The following FAM222B variants were observed in gnomAD, a reference collection of about 807,000 sequenced individuals.
FAM222B encodes protein FAM222B.
FAM222B carries 12 observed loss-of-function variants against 38.0 expected under a neutral mutation model. That is an observed-to-expected ratio of 0.32 (90% CI 0.20 to 0.51). FAM222B has a LOEUF of 0.51. FAM222B is among the 20% of genes least tolerant of loss of function. FAM222B has a pLI of 0.97. For missense variants in FAM222B, 716 were observed against 754.2 expected (o/e 0.95, Z 0.59); for synonymous variants, 329 against 317.2 (o/e 1.04, Z -0.40).
intron 1 of FAM222B, among the ~76,000 whole-genome samples, chr17:28,778,074 C>T (rs748363706): frequency 6.8e-6 from 1 of 147,188 alleles, no homozygotes; most frequent in Non-Finnish European, 1.5e-5. Context: ...TATTATTTGG[C>T]CTCTGTGTTT....
At chr17:28,807,167 C>T (rs1394321875) in intron 1 of FAM222B, among the ~76,000 whole-genome samples, 2 of 151,908 alleles carry the variant, frequency 1.3e-5, no homozygotes, top group Non-Finnish European at 2.9e-5. Flanking sequence ...AGGCACGCAC[C>T]ACCACACCCA....
intron 1 of FAM222B, among the ~76,000 whole-genome samples, chr17:28,815,938 GC>G (rs772544060): frequency 5.5e-4 from 83 of 150,208 alleles, no homozygotes; most frequent in Non-Finnish European, 9.3e-4. Flanking sequence ...CTGCACTCCA[GC>G]CTGGGCAACA....
At chr17:28,850,486 G>A (rs2039173606) in intron 1 of FAM222B, among the ~76,000 whole-genome samples, 1 of 151,926 alleles carries the variant, frequency 6.6e-6, no homozygotes, top group Non-Finnish European at 1.5e-5. Flanking sequence ...TTTTAGTAGA[G>A]ACAGAGTTTC....
chr17:28,793,294 A>AC (rs2151878470), intron 1 of FAM222B, among the ~76,000 whole-genome samples: 1 of 152,046 alleles, frequency 6.6e-6, no homozygotes, highest in East Asian at 1.9e-4. Context: ...CACATCCAGA[A>AC]CCTCAAGTGT....
chr17:28,843,615 CTT>C (rs2039113554), upstream of FAM222B, among the ~76,000 whole-genome samples: 1 of 146,992 alleles, frequency 6.8e-6, no homozygotes, highest in Non-Finnish European at 1.5e-5. Context: ...GCCTGGCTAA[CTT>C]TTGTATTTTT....
intron 1 of FAM222B, among the ~76,000 whole-genome samples, chr17:28,795,761 C>A (rs1005703200): frequency 5.9e-5 from 9 of 152,126 alleles, no homozygotes; most frequent in Admixed American, 5.9e-4. Context: ...ACCAAGTTTT[C>A]TTTTGCACTT....
chr17:28,802,433 A>T (rs1269378763), intron 1 of FAM222B: 1 of 152,500 alleles, frequency 6.6e-6, no homozygotes, highest in Admixed American at 6.6e-5. Context: ...ACTGCTTTCC[A>T]ATTTGGGCCT....
intron 1 of FAM222B, among the ~76,000 whole-genome samples, chr17:28,815,584 C>A (rs1026577961): frequency 6.6e-6 from 1 of 152,084 alleles, no homozygotes; most frequent in Non-Finnish European, 1.5e-5. Flanking sequence ...CCCAGCACTT[C>A]GGGAGGTCAG....
intron 1 of FAM222B, among the ~76,000 whole-genome samples, chr17:28,799,320 C>T (rs2037104600): frequency 7.8e-6 from 1 of 128,908 alleles, no homozygotes; most frequent in Admixed American, 8.5e-5. Flanking sequence ...TTTTTTGAGA[C>T]CGAGTCTCGG....
intron 1 of FAM222B, among the ~76,000 whole-genome samples, chr17:28,830,423 G>A (rs1410463470): frequency 6.6e-6 from 1 of 152,050 alleles, no homozygotes; most frequent in African/African-American, 2.4e-5. Flanking sequence ...GTCTCCCAAA[G>A]TGCTGGGATT....
At chr17:28,830,323 G>A (rs2038622156) in intron 1 of FAM222B, among the ~76,000 whole-genome samples, 1 of 151,778 alleles carries the variant, frequency 6.6e-6, no homozygotes, top group Non-Finnish European at 1.5e-5. Flanking sequence ...AACCACGCCT[G>A]GCTAATTCTT....
At chr17:28,831,625 G>C (rs1428637856) in intron 1 of FAM222B, among the ~76,000 whole-genome samples, 4 of 150,310 alleles carry the variant, frequency 2.7e-5, no homozygotes, top group Admixed American at 1.3e-4. Flanking sequence ...TACTGCCTCA[G>C]CCTCCAAAGT....
At chr17:28,798,657 CGG>C in intron 1 of FAM222B, among the ~76,000 whole-genome samples, 1 of 140,500 alleles carries the variant, frequency 7.1e-6, no homozygotes, top group South Asian at 2.3e-4. Context: ...TTTTTTGAAA[CGG>C]AGTCTTGCTC....
chr17:28,783,220 CAG>C (rs1351315876), intron 1 of FAM222B, among the ~76,000 whole-genome samples: 1 of 151,086 alleles, frequency 6.6e-6, no homozygotes, highest in African/African-American at 2.4e-5. Context: ...ATTTGGATTA[CAG>C]AAACATAAAA....
rs772442770 is a variant in FAM222B, at chr17:28,759,521, G to A, written c.438C>T (p.His146=). ...YATVAPSTLA[H]PQAQALARQQ... ...GGCGGGCCAGAGCCTGGGCCTGGGG[G>A]TGGGCTAAAGTGCTGGGTGCCACAG... Residue 146 remains histidine, a synonymous_variant, in exon 3 of 3, where the codon CAC becomes CAT. Transcript: ENST00000581407. This position sits in a 1 kb window ranked among gnomAD's most constrained non-coding sequence, Gnocchi z 4.8. The A allele has an allele frequency of 1.3e-5, 21 of 1,586,320 alleles. No individual in the cohort carries two copies. The highest frequency in any genetic ancestry group is 2.2e-5 in the East Asian group (1 of 44,476).
chr17:28,784,264 A>C (rs979240679), intron 1 of FAM222B, among the ~76,000 whole-genome samples: 5 of 151,884 alleles, frequency 3.3e-5, no homozygotes, highest in Non-Finnish European at 7.4e-5. Context: ...GCTTGAGGCC[A>C]GGAATTTAAG....
chr17:28,844,216 T>C (rs895606903), upstream of FAM222B, among the ~76,000 whole-genome samples: 6 of 151,996 alleles, frequency 3.9e-5, no homozygotes, highest in Non-Finnish European at 7.4e-5. Context: ...GACTAAACTC[T>C]CTCCTCATCA....
chr17:28,849,826 A>G (rs976391308), intron 1 of FAM222B, among the ~76,000 whole-genome samples: 2 of 152,082 alleles, frequency 1.3e-5, no homozygotes, highest in East Asian at 3.8e-4. Context: ...TCACGCCTGT[A>G]ATCCCAGCAC....
intron 1 of FAM222B, 191 bp from the exon 2 acceptor site, chr17:28,766,898 T>A: frequency 3.9e-6 from 2 of 513,262 alleles, no homozygotes; most frequent in South Asian, 4.8e-5. Flanking sequence ...TCACTATGGT[T>A]AAAATGATTT....
Sources: gnomAD v4.1 joint callset for allele counts (sites outside exome capture counted in the v4.1 genomes callset) on GRCh38, gnomAD v4.1.1 for gene constraint, Gnocchi (gnomAD v3.1) non-coding constraint, MANE v1.5 for transcripts, NCBI Gene and HGNC (gene_info 2026-07-23, HGNC 2026-07-21) for gene names.